VCPIP1: variants seen among roughly 807,000 people sequenced by gnomAD.
VCPIP1 encodes the protein valosin containing protein interacting protein 1.
A neutral mutation model predicts 85.0 loss-of-function variants in VCPIP1; 8 were observed. That is an observed-to-expected ratio of 0.09 (90% CI 0.06 to 0.17). VCPIP1 has a LOEUF of 0.17. Among genes scored for constraint, VCPIP1 ranks in the 10% least tolerant of loss-of-function variants. The pLI is 1.00. For missense variants in VCPIP1, 1,070 were observed against 1,486.3 expected, an observed-to-expected ratio of 0.72 and a Z score of 4.61; for synonymous variants, 543 against 544.5, an observed-to-expected ratio of 1.00 and a Z score of 0.04.
In VCPIP1 at chr8:66,666,341, T is replaced by C. The variant is rs1811209622; in HGVS notation, c.618A>G (p.Glu206=). The C allele has an allele frequency of 6.2e-7, 1 of 1,614,116 alleles. No homozygotes were observed. The highest frequency in any genetic ancestry group is 1.1e-5 in the South Asian group (1 of 91,082). ...CGTCCACATGCACTGGAATGAGACA[T>C]TCCTGGCTTTTATTGGCCCGCTTAA... The part of the protein sequence containing the change: ...EDIKRANKSQ[E]CLIPVHVDGD... The change falls in exon 1 of 3, where the codon GAA becomes GAG. Residue 206 remains glutamate, a synonymous_variant. Transcript: ENST00000310421. This position sits in a 1 kb window ranked among gnomAD's most constrained non-coding sequence, Gnocchi z 6.3.
chr8:66,663,897 T>C (rs903682675), intron 1 of VCPIP1, among the ~76,000 whole-genome samples: 2 of 151,900 alleles, frequency 1.3e-5, no homozygotes, highest in African/African-American at 4.8e-5. Flanking sequence ...AAATTAAAAA[T>C]AAATGAAAAA....
rs1191375133 is a variant in VCPIP1, at chr8:66,630,672, G to A, written c.*3829C>T. 6.6e-6 allele frequency: 1 copy of A among 152,358 alleles called. No homozygotes were observed. The highest frequency in any genetic ancestry group is 2.4e-5 in the African/African-American group (1 of 41,366). 9.4% of individuals were successfully genotyped at this position (152,358 alleles called of 1,614,324 possible). ...AGTCTCCATAATTAAAAAATTAAAT[G>A]TCAGATATACAAGTAATGGCATTTT... is the stretch of plus-strand genomic sequence containing the variant. On this transcript the variant is annotated 3_prime_UTR_variant, in exon 3 of 3. Coordinates refer to ENST00000310421, the MANE Select transcript of VCPIP1 (RefSeq NM_025054.5).
In VCPIP1 at chr8:66,634,929, GCTCA is replaced by G; in HGVS notation, c.3237_3240del (p.Glu1080LeufsTer4). The G allele has an allele frequency of 6.2e-7, 1 of 1,613,562 alleles. No homozygotes were observed. The highest frequency in any genetic ancestry group is 8.5e-7 in the Non-Finnish European group (1 of 1,179,730). On this transcript the variant is annotated frameshift_variant, in exon 3 of 3. Transcript: ENST00000310421. LOFTEE classifies it high-confidence loss of function. ...ACTACTCCAGGAGCTATTCGAATAA[GCTCA>G]CTATTACTAGAAGAAGCTGTGAATA...
chr8:66,659,274 G>A lies in VCPIP1; in HGVS notation c.2710+4975C>T, dbSNP rs572251263. On this transcript the variant is annotated intron_variant, in intron 1 of 2. Transcript: ENST00000310421. ...TGCAGTGGCGCAATCTTGGCTCACTGCAACCGCACCAGGTCTACAAGAAAT... is the reference window on the plus strand; with the variant it reads ...TGCAGTGGCGCAATCTTGGCTCACTACAACCGCACCAGGTCTACAAGAAAT... Among the ~76,000 whole-genome samples the A allele has an allele frequency of 1.1e-4, 17 of 150,266 alleles. No individual in the cohort carries two copies. The East Asian group carries it at 2.2e-3, about 19-fold the overall frequency.
In VCPIP1 at chr8:66,632,381, G is replaced by A. The variant is rs113604640; in HGVS notation, c.*2120C>T. 15 of 152,146 alleles carry A rather than the reference G, an allele frequency of 9.9e-5. No individual in the cohort carries two copies. Among genetic ancestry groups the A allele is most frequent in the African/African-American group, 3.6e-4 (15 of 41,544 alleles). 9.4% of individuals were successfully genotyped at this position (152,146 alleles called of 1,614,324 possible). ...AGCCTTTTATTCATTTATCAAGGGAGAACCCAAACTATTACTGTACTATTC... is the reference window on the plus strand; with the variant it reads ...AGCCTTTTATTCATTTATCAAGGGAAAACCCAAACTATTACTGTACTATTC... On this transcript the variant is annotated 3_prime_UTR_variant, in exon 3 of 3. Transcript: ENST00000310421.
At chr8:66,641,987 T>C (rs899177459) in intron 2 of VCPIP1, among the ~76,000 whole-genome samples, 2 of 152,230 alleles carry the variant, frequency 1.3e-5, no homozygotes, top group Non-Finnish European at 2.9e-5. Flanking sequence ...ATAGTAACTC[T>C]ACATTTAACC....
In VCPIP1 at chr8:66,630,682, C is replaced by T. The variant is rs1810825343; in HGVS notation, c.*3819G>A. The T allele has an allele frequency of 6.6e-6, 1 of 152,366 alleles. No homozygotes were observed. 9.4% of individuals were successfully genotyped at this position (152,366 alleles called of 1,614,324 possible). On this transcript the variant is annotated 3_prime_UTR_variant, in exon 3 of 3. Coordinates refer to ENST00000310421, the MANE Select transcript of VCPIP1 (RefSeq NM_025054.5). The stretch of plus-strand genomic sequence containing the variant: ...ATTAAAAAATTAAATGTCAGATATA[C>T]AAGTAATGGCATTTTCTCCAATAAT...
intron 2 of VCPIP1, among the ~76,000 whole-genome samples, chr8:66,643,607 G>C (rs1360570668): frequency 6.6e-6 from 1 of 151,906 alleles, no homozygotes; most frequent in East Asian, 1.9e-4. Context: ...GGAGGCTGAG[G>C]CATGAGAATT....
At chr8:66,639,884 A>C (rs1280451597) in intron 2 of VCPIP1, among the ~76,000 whole-genome samples, 1 of 152,030 alleles carries the variant, frequency 6.6e-6, no homozygotes, top group East Asian at 1.9e-4. Context: ...GATAATAATA[A>C]ATGGGAGCTA....
rs934290503 is a variant in VCPIP1 at position 66,645,895 on chromosome 8, A to G, written c.2797+5563T>C. ...CAGTAAACTGTGATTGTGTCACTGC[A>G]CTCCAACCCGGGTAACAAAGTGGGA... On this transcript the variant is annotated intron_variant, in intron 2 of 2. Transcript: ENST00000310421. 2.6e-5 allele frequency among the ~76,000 whole-genome samples: 4 copies of G among 152,116 alleles called. No individual in the cohort carries two copies. The South Asian group carries it at 8.3e-4, about 32-fold the overall frequency.
chr8:66,634,803 G>A lies in VCPIP1; in HGVS notation c.3367C>T (p.His1123Tyr). 6.2e-7 allele frequency: 1 copy of A among 1,614,176 alleles called. No homozygotes were observed. Among genetic ancestry groups the A allele is most frequent in the Non-Finnish European group, 8.5e-7 (1 of 1,180,032 alleles). Residue 1123 changes from histidine to tyrosine, a missense_variant, in exon 3 of 3, where the codon CAC becomes TAC. Physicochemically the swap from His to Tyr is moderately conservative, Grantham distance 83. Coordinates refer to ENST00000310421, the MANE Select transcript of VCPIP1 (RefSeq NM_025054.5). ...VSSIQASMDR[H>Y]LRDQSTEQSP... ...TGCTCTGTACTTTGATCCCGAAGGTGCCTGTCCATTGAAGCCTGAATAGAA... is the reference window on the plus strand; with the variant it reads ...TGCTCTGTACTTTGATCCCGAAGGTACCTGTCCATTGAAGCCTGAATAGAA...
In VCPIP1 at chr8:66,634,888, G is replaced by A; in HGVS notation, c.3282C>T (p.Gly1094=). 6.2e-7 allele frequency: 1 copy of A among 1,614,000 alleles called. No individual in the cohort carries two copies. ...CAACCAAATCAGGATCAAGCTGCCT[G>A]CCGTCTCTCATTGTTACTACTCCAG... ...IAPGVVTMRD[G]RQLDPDLVEA... Residue 1094 remains glycine (G), a synonymous_variant, in exon 3 of 3, where the codon GGC becomes GGT. Transcript: ENST00000310421.
intron 2 of VCPIP1, among the ~76,000 whole-genome samples, chr8:66,646,406 C>T (rs1810996246): frequency 6.6e-6 from 1 of 152,080 alleles, no homozygotes; most frequent in South Asian, 2.1e-4. Context: ...ATCATAAAGT[C>T]AAAAAGTCCT....
At chr8:66,642,663 AGG>A (rs1274877491) in intron 2 of VCPIP1, among the ~76,000 whole-genome samples, 73 of 152,230 alleles carry the variant, frequency 4.8e-4, no homozygotes, top group African/African-American at 1.8e-3. Context: ...TAATTGTCTG[AGG>A]ACCACTTGTT....
intron 2 of VCPIP1, among the ~76,000 whole-genome samples, chr8:66,645,119 G>GAA (rs1199954255): frequency 2.0e-4 from 11 of 56,032 alleles, no homozygotes; most frequent in Non-Finnish European, 1.5e-4. Flanking sequence ...CTGTATCCAA[G>GAA]AAAAAAAAAA....
At position 66,631,925 on chromosome 8, in the gene VCPIP1, A is replaced by T. The variant is rs1810837531; in HGVS notation, c.*2576T>A. 6.6e-6 allele frequency: 1 copy of T among 152,642 alleles called. No homozygotes were observed. The highest frequency in any genetic ancestry group is 2.1e-4 in the South Asian group (1 of 4,830). 9.5% of individuals were successfully genotyped at this position (152,642 alleles called of 1,614,324 possible). A position where few individuals can be genotyped will look rare whatever the true frequency, so the allele number is the denominator to read the frequency against. On this transcript the variant is annotated 3_prime_UTR_variant, in exon 3 of 3. Coordinates refer to ENST00000310421, the MANE Select transcript of VCPIP1 (RefSeq NM_025054.5). ...CTATCTTCAACACTACCTGGACTTT[A>T]GGTCATCAACTTAAATTTGGTATGA... is the stretch of plus-strand genomic sequence containing the variant.
rs1256785960 is a variant in VCPIP1 at position 66,628,732 on chromosome 8, G to A, written c.*5769C>T. On this transcript the variant is annotated 3_prime_UTR_variant, in exon 3 of 3. Transcript: ENST00000310421. ...GGATAACTGTAGCCAACACCTAAAG[G>A]AAAGGTAATTATGTTTTAGTTTACA... 1.3e-5 allele frequency: 2 copies of A among 152,238 alleles called. No homozygotes were observed. The highest frequency in any genetic ancestry group is 2.9e-5 in the Non-Finnish European group (2 of 68,044). 9.4% of individuals were successfully genotyped at this position (152,238 alleles called of 1,614,324 possible).
At chr8:66,651,277 A>G (rs1012918533) in intron 2 of VCPIP1, among the ~76,000 whole-genome samples, 181 bp downstream of exon 2, 15 of 152,146 alleles carry the variant, frequency 9.9e-5, no homozygotes, top group African/African-American at 3.6e-4. Context: ...TAGTAATACT[A>G]GCAGAAAACA....
chr8:66,647,381 A>G (rs1811007799), intron 2 of VCPIP1, among the ~76,000 whole-genome samples: 3 of 151,678 alleles, frequency 2.0e-5, no homozygotes, highest in South Asian at 4.1e-4. Context: ...ATAAATAAAT[A>G]AATAAAAATA....
Sources: allele counts gnomAD v4.1 joint callset (sites outside exome capture counted in the v4.1 genomes callset), GRCh38; gene constraint gnomAD v4.1.1; non-coding constraint Gnocchi (gnomAD v3.1); transcripts MANE v1.5; gene names NCBI Gene and HGNC (gene_info 2026-07-23, HGNC 2026-07-21).